Variants in OLFM3 observed in about 807,000 individuals in gnomAD.
OLFM3 encodes olfactomedin 3.
In OLFM3, 20 loss-of-function variants were observed where a neutral mutation model predicts 48.6. That is an observed-to-expected ratio of 0.41 (90% CI 0.29 to 0.60). The LOEUF is 0.60. Among genes scored for constraint, OLFM3 ranks in the 20% least tolerant of loss-of-function variants. The probability of loss-of-function intolerance (pLI) is 0.28; values close to 1 mark genes in which losing one functional copy is unlikely to be tolerated. For missense variants in OLFM3, 437 were observed against 544.3 expected, an observed-to-expected ratio of 0.80 and a Z score of 1.96; for synonymous variants, 222 against 198.1, an observed-to-expected ratio of 1.12 and a Z score of -1.01.
chr1:101,960,714 G>A (rs1333558019), intron 1 of OLFM3, among the ~76,000 whole-genome samples: 2 of 151,948 alleles, frequency 1.3e-5, no homozygotes, highest in Admixed American at 1.3e-4. Flanking sequence ...ACATTCTTAG[G>A]CTTTATAATA....
chr1:101,939,128 C>G (rs766424484), intron 1 of OLFM3, among the ~76,000 whole-genome samples: 3 of 152,092 alleles, frequency 2.0e-5, no homozygotes, highest in Non-Finnish European at 4.4e-5. Flanking sequence ...TCACAACTAG[C>G]ACAAACACCA....
chr1:101,903,628 A>G (rs1658459743), intron 1 of OLFM3, among the ~76,000 whole-genome samples: 1 of 152,060 alleles, frequency 6.6e-6, no homozygotes, highest in Non-Finnish European at 1.5e-5. Flanking sequence ...GTTTATGATT[A>G]GTGACACTTA....
At chr1:101,928,315 C>T (rs1194529677) in intron 1 of OLFM3, among the ~76,000 whole-genome samples, 1 of 152,032 alleles carries the variant, frequency 6.6e-6, no homozygotes, top group East Asian at 1.9e-4. Flanking sequence ...AAAGTGTGTT[C>T]ATTATGTTTG....
chr1:101,994,940 A>C (rs1021800469), intron 1 of OLFM3, among the ~76,000 whole-genome samples: 2 of 152,046 alleles, frequency 1.3e-5, no homozygotes, highest in African/African-American at 4.8e-5. Context: ...CACACAAATA[A>C]ACTCACCAAA....
At chr1:101,839,087 C>T (rs868867479) in intron 1 of OLFM3, among the ~76,000 whole-genome samples, 27 of 152,284 alleles carry the variant, frequency 1.8e-4, no homozygotes, top group Middle Eastern at 6.8e-3. Flanking sequence ...AGTCATCATC[C>T]TTGATCTATT....
intron 1 of OLFM3, among the ~76,000 whole-genome samples, chr1:101,979,511 A>G (rs1661047505): frequency 6.6e-6 from 1 of 152,128 alleles, no homozygotes; most frequent in Non-Finnish European, 1.5e-5. Flanking sequence ...GCTTTCACTA[A>G]CTTCATCCTG....
intron 1 of OLFM3, among the ~76,000 whole-genome samples, chr1:101,931,916 G>T (rs773817420): frequency 5.1e-4 from 77 of 152,032 alleles, no homozygotes; most frequent in Admixed American, 2.0e-3. Flanking sequence ...ACATCACCCG[G>T]GACACACTCA....
chr1:101,814,414 ACATAT>A (rs1654229930), intron 4 of OLFM3, among the ~76,000 whole-genome samples: 1 of 152,162 alleles, frequency 6.6e-6, no homozygotes. Flanking sequence ...AACAAACTAA[ACATAT>A]CATACAGAAA....
chr1:101,975,267 T>C (rs1279737018), intron 1 of OLFM3, among the ~76,000 whole-genome samples: 1 of 152,176 alleles, frequency 6.6e-6, no homozygotes, highest in African/African-American at 2.4e-5. Context: ...CATAGTCTCA[T>C]GGATAGAAAG....
chr1:101,924,546 A>G (rs1340917970), intron 1 of OLFM3, among the ~76,000 whole-genome samples: 1 of 152,116 alleles, frequency 6.6e-6, no homozygotes, highest in Non-Finnish European at 1.5e-5. Context: ...ATAATATTGT[A>G]TATTTTTACA....
chr1:101,861,597 C>T (rs750996597), intron 1 of OLFM3, among the ~76,000 whole-genome samples: 2 of 152,104 alleles, frequency 1.3e-5, no homozygotes, highest in African/African-American at 2.4e-5. Context: ...TGGAAGGTCA[C>T]GATAATGGAA....
At chr1:101,847,778 A>G (rs968451370) in intron 1 of OLFM3, among the ~76,000 whole-genome samples, 1 of 152,052 alleles carries the variant, frequency 6.6e-6, no homozygotes, top group African/African-American at 2.4e-5. Flanking sequence ...AGTTAACTCT[A>G]TTTTCAGTTT....
intron 1 of OLFM3, among the ~76,000 whole-genome samples, chr1:101,850,526 T>A (rs572123945): frequency 1.4e-4 from 22 of 152,244 alleles, no homozygotes; most frequent in Admixed American, 1.4e-3. Flanking sequence ...GTTGTTTTAA[T>A]GACCCTACAC....
chr1:101,983,615 A>G (rs923813990), intron 1 of OLFM3, among the ~76,000 whole-genome samples: 2 of 152,258 alleles, frequency 1.3e-5, no homozygotes, highest in Non-Finnish European at 2.9e-5. Context: ...AGTCCAGCCT[A>G]TCCCATGTGA....
intron 1 of OLFM3, among the ~76,000 whole-genome samples, chr1:101,940,630 G>C (rs1357745731): frequency 6.6e-6 from 1 of 151,236 alleles, no homozygotes; most frequent in Non-Finnish European, 1.5e-5. Context: ...GTGGTGGGTG[G>C]AGTCAGGTGT....
chr1:101,978,109 G>A (rs930977780), intron 1 of OLFM3, among the ~76,000 whole-genome samples: 3 of 152,080 alleles, frequency 2.0e-5, no homozygotes, highest in African/African-American at 7.2e-5. Context: ...CCAGGCAGTG[G>A]ATTCTGTTCA....
At chr1:101,940,419 C>A (rs958612380) in intron 1 of OLFM3, among the ~76,000 whole-genome samples, 10 of 149,674 alleles carry the variant, frequency 6.7e-5, no homozygotes, top group African/African-American at 2.5e-4. Context: ...AAAATCTAGG[C>A]CTTGATTTTT....
chr1:101,804,311 G>A lies in OLFM3; in HGVS notation c.1304C>T (p.Ala435Val). ...DYNARDRALYAWNNGHQVLFN... is the reference protein window; with the variant it reads ...DYNARDRALYVWNNGHQVLFN... ...CAGCACCTGGTGGCCATTGTTCCAG[G>A]CATAGAGAGCTCGATCTCTTGCATT... Residue 435 changes from alanine to valine, a missense_variant, in exon 6 of 6, where the codon GCC (alanine) becomes GTC (valine). Physicochemically the swap from Ala to Val is moderately conservative, Grantham distance 64. Around this residue, in one of 3 missense-constraint regions of OLFM3, gnomAD observed 108 missense variants for 135.8 expected, o/e 0.80. Coordinates refer to ENST00000370103, the MANE Select transcript of OLFM3 (RefSeq NM_058170.4). This position sits in a 1 kb window ranked among gnomAD's most constrained non-coding sequence, Gnocchi z 4.5. The A allele has an allele frequency of 6.2e-7, 1 of 1,612,100 alleles. No homozygotes were observed. Among genetic ancestry groups the A allele is most frequent in the East Asian group, 2.2e-5 (1 of 44,830 alleles).
intron 1 of OLFM3, among the ~76,000 whole-genome samples, chr1:101,995,797 T>C (rs1661540019): frequency 1.3e-5 from 2 of 152,194 alleles, no homozygotes; most frequent in African/African-American, 4.8e-5. Flanking sequence ...CTTCCTATAT[T>C]GTCAAATTGC....
Sources: allele counts gnomAD v4.1 joint callset (sites outside exome capture counted in the v4.1 genomes callset), GRCh38; gene constraint gnomAD v4.1.1; regional missense constraint gnomAD v4.1.1; non-coding constraint Gnocchi (gnomAD v3.1); transcripts MANE v1.5; gene names NCBI Gene and HGNC (gene_info 2026-07-23, HGNC 2026-07-21).